Variants in PIK3C2A observed in about 807,000 individuals in gnomAD.
PIK3C2A encodes the protein phosphatidylinositol-4-phosphate 3-kinase catalytic subunit type 2 alpha, also known as phosphatidylinositol 4-phosphate 3-kinase C2 domain-containing subunit alpha.
PIK3C2A carries 97 observed loss-of-function variants against 204.5 expected under a neutral mutation model. That is an observed-to-expected ratio of 0.47 (90% CI 0.40 to 0.56). The LOEUF (loss-of-function observed/expected upper bound fraction) is 0.56, where lower values mean the gene tolerates loss of function less well. Among genes scored for constraint, PIK3C2A ranks in the 20% least tolerant of loss-of-function variants. The pLI is 0.00. For synonymous variants in PIK3C2A, 653 were observed against 664.4 expected (o/e 0.98, Z 0.26); for missense variants, 1,735 against 1,969.2 (o/e 0.88, Z 2.25).
chr11:17,108,121 C>A (rs1848889196), intron 22 of PIK3C2A, among the ~76,000 whole-genome samples: 1 of 152,242 alleles, frequency 6.6e-6, no homozygotes, highest in African/African-American at 2.4e-5. Context: ...ATCTGCCCGC[C>A]TCGGCCTCCC....
chr11:17,096,714 T>C, intron 27 of PIK3C2A, among the ~76,000 whole-genome samples: 1 of 152,224 alleles, frequency 6.6e-6, no homozygotes, highest in South Asian at 2.1e-4. Flanking sequence ...AAAAGCATGC[T>C]GAAGTTCCTG....
At chr11:17,172,272 G>C (rs1340300358) in intron 1 of PIK3C2A, among the ~76,000 whole-genome samples, 2 of 152,172 alleles carry the variant, frequency 1.3e-5, no homozygotes, top group Non-Finnish European at 2.9e-5. Context: ...TGTGGGAATA[G>C]GAGTTCCAAA....
Position 17,122,333 on chromosome 11 carries a change from C to G in PIK3C2A, c.2512G>C (p.Val838Leu). Residue 838 changes from valine to leucine, a missense_variant and splice_region_variant, in exon 15 of 33, where the codon GTT (valine) becomes CTT (leucine). Coordinates refer to ENST00000691414, the MANE Select transcript of PIK3C2A (RefSeq NM_002645.4). ...GYVMERIVLQVDFPSPAFDII... is the reference protein window; with the variant it reads ...GYVMERIVLQLDFPSPAFDII... ...TCAAATGCAGGAGAAGGAAAATCAA[C>G]CTTTAAAATTTAACAGAAATTGATC... 1 of 1,523,102 alleles carries G rather than the reference C, an allele frequency of 6.6e-7. No homozygotes were observed. 94.3% of individuals were successfully genotyped at this position (1,523,102 alleles called of 1,614,324 possible).
chr11:17,157,708 G>C (rs144697316), intron 2 of PIK3C2A, among the ~76,000 whole-genome samples: 4 of 152,250 alleles, frequency 2.6e-5, no homozygotes, highest in African/African-American at 9.6e-5. Context: ...AATATGCCGG[G>C]AAAGATTACG....
intron 1 of PIK3C2A, among the ~76,000 whole-genome samples, chr11:17,206,388 C>T (rs1852574532): frequency 1.3e-5 from 2 of 151,984 alleles, no homozygotes; most frequent in Admixed American, 1.3e-4. Flanking sequence ...TATGTAACCA[C>T]TGTCTTGATA....
Position 17,162,348 on chromosome 11 carries a change from A to AC in PIK3C2A, c.1065+6328_1065+6329insG, listed in dbSNP as rs1850804056. The stretch of plus-strand genomic sequence containing the variant: ...AGAGTGAGACTCCATCTAAAAAAAA[A>AC]AAACAAAAACAAAAACAAAATCCTA... On this transcript the variant is annotated intron_variant, in intron 2 of 32. Transcript: ENST00000691414. Among the ~76,000 whole-genome samples, 3 of 151,970 alleles carry AC rather than the reference A, an allele frequency of 2.0e-5. No individual in the cohort carries two copies. The South Asian group carries it at 6.2e-4, about 32-fold the overall frequency.
At chr11:17,102,346 A>C (rs1214482555) in intron 24 of PIK3C2A, among the ~76,000 whole-genome samples, 2 of 152,186 alleles carry the variant, frequency 1.3e-5, no homozygotes, top group Non-Finnish European at 2.9e-5. Flanking sequence ...CTGAGGCAGG[A>C]GAATGGCGTG....
At chr11:17,205,758 G>C (rs751924857) in intron 1 of PIK3C2A, among the ~76,000 whole-genome samples, 2 of 152,152 alleles carry the variant, frequency 1.3e-5, no homozygotes, top group Non-Finnish European at 2.9e-5. Context: ...TTAGTATACA[G>C]TTATTCATTA....
intron 3 of PIK3C2A, among the ~76,000 whole-genome samples, chr11:17,154,084 C>T (rs539350624): frequency 1.3e-4 from 20 of 150,970 alleles, no homozygotes; most frequent in African/African-American, 3.2e-4. Flanking sequence ...TAAGTGTGTG[C>T]GTGTGTGTGT....
intron 1 of PIK3C2A, among the ~76,000 whole-genome samples, chr11:17,177,285 A>C (rs1851369431): frequency 6.6e-6 from 1 of 152,200 alleles, no homozygotes; most frequent in South Asian, 2.1e-4. Flanking sequence ...CAGTTAATTT[A>C]TCATCACCAG....
At position 17,092,219 on chromosome 11, in the gene PIK3C2A, C is replaced by T; in HGVS notation, c.4509G>A (p.Arg1503=). 1 of 1,608,918 alleles carries T rather than the reference C, an allele frequency of 6.2e-7. No homozygotes were observed. The change falls in exon 29 of 33, where the codon AGG becomes AGA. Residue 1503 remains arginine, a synonymous_variant. Coordinates refer to ENST00000691414, the MANE Select transcript of PIK3C2A (RefSeq NM_002645.4). ...RTHIKDVAAK[R]KIELNSYLQS... is the part of the protein sequence containing the mutation. ...GTAAGTAACTGTTTAACTCAATTTT[C>T]CTTTTGGCTGCTACATCTTTTATGT...
At chr11:17,124,140 T>C (rs1849446983) in intron 13 of PIK3C2A, among the ~76,000 whole-genome samples, 1 of 152,120 alleles carries the variant, frequency 6.6e-6, no homozygotes, top group South Asian at 2.1e-4. Context: ...CTGCTGGAAT[T>C]ACAGGTGTGA....
At chr11:17,113,112 A>G (rs1849052820) in intron 20 of PIK3C2A, among the ~76,000 whole-genome samples, 2 of 152,050 alleles carry the variant, frequency 1.3e-5, no homozygotes, top group Non-Finnish European at 1.5e-5. Context: ...CCTGGGTTCA[A>G]GCAATTCTCC....
At chr11:17,133,265 G>A (rs944791162) in intron 11 of PIK3C2A, among the ~76,000 whole-genome samples, 17 of 147,922 alleles carry the variant, frequency 1.1e-4, no homozygotes, top group African/African-American at 3.7e-4. Context: ...ATGTACAAAC[G>A]TGTGTGTGTG....
chr11:17,184,243 T>C (rs1851676876), intron 1 of PIK3C2A, among the ~76,000 whole-genome samples: 2 of 151,072 alleles, frequency 1.3e-5, no homozygotes, highest in African/African-American at 4.9e-5. Flanking sequence ...AAAAGTTAAC[T>C]GTAAAACAGC....
rs1261872360 is a variant in PIK3C2A at position 17,117,717 on chromosome 11, T to G, written c.3036-46A>C. ...TGTTAGTCACGTCTTGGTTTTTTTTTTTTTTTTTTTTTTTTGAGACGGAGC... is the reference window on the plus strand; with the variant it reads ...TGTTAGTCACGTCTTGGTTTTTTTTGTTTTTTTTTTTTTTTGAGACGGAGC... On this transcript the variant is annotated intron_variant, in intron 18 of 32. Coordinates refer to ENST00000691414, the MANE Select transcript of PIK3C2A (RefSeq NM_002645.4). 6.8e-6 allele frequency: 8 copies of G among 1,180,810 alleles called. No homozygotes were observed. The East Asian group carries it at 1.2e-4, about 18-fold the overall frequency. 73.1% of individuals were successfully genotyped at this position (1,180,810 alleles called of 1,614,324 possible). A position where few individuals can be genotyped will look rare whatever the true frequency, so the allele number is the denominator to read the frequency against.
rs369443039 is a variant in PIK3C2A at position 17,150,505 on chromosome 11, C to T, written c.1320G>A (p.Thr440=). 32 of 1,602,598 alleles carry T rather than the reference C, an allele frequency of 2.0e-5. No individual in the cohort carries two copies. The highest frequency in any genetic ancestry group is 1.7e-4 in the Middle Eastern group (1 of 6,052). Residue 440 remains threonine (T), a synonymous_variant, in exon 4 of 33, where the codon ACG becomes ACA. Transcript: ENST00000691414. ...GAGGAACCATAAACCTACCATCACA[C>T]GTAAAAGTAACTGGTAGCTGAAATC... ...IEGFQLPVTF[T]CDVSSTVEII...
intron 8 of PIK3C2A, among the ~76,000 whole-genome samples, chr11:17,138,731 A>G (rs1849958659): frequency 6.6e-6 from 1 of 152,150 alleles, no homozygotes; most frequent in South Asian, 2.1e-4. Context: ...TAAAACGTGA[A>G]CACAGACACA....
intron 8 of PIK3C2A, among the ~76,000 whole-genome samples, chr11:17,144,692 C>T (rs183524802): frequency 3.3e-5 from 5 of 151,874 alleles, no homozygotes; most frequent in South Asian, 2.1e-4. Flanking sequence ...GTCAGGAATT[C>T]GAGACCAGCC....
Sources: allele counts gnomAD v4.1 joint callset (sites outside exome capture counted in the v4.1 genomes callset), GRCh38; gene constraint gnomAD v4.1.1; transcripts MANE v1.5; gene names NCBI Gene and HGNC (gene_info 2026-07-23, HGNC 2026-07-21).